Variants in PRODH observed in about 807,000 individuals in gnomAD.
The protein encoded by PRODH is proline dehydrogenase 1, mitochondrial.
For missense variants in PRODH, 3 were observed against 24.1 expected, an observed-to-expected ratio of 0.12 and a Z score of 1.83; for synonymous variants, 3 against 10.4, an observed-to-expected ratio of 0.29 and a Z score of 1.37.
rs1157394647 is a variant in PRODH at position 18,918,101 on chromosome 22, G to A, written c.1427+215C>T. Among the ~76,000 whole-genome samples the A allele has an allele frequency of 1.7e-5, 2 of 117,276 alleles. 1 individual carries two copies. 76.9% of individuals were successfully genotyped at this position (117,276 alleles called of 152,430 possible). On this transcript the variant is annotated intron_variant, in intron 11 of 13. Coordinates refer to ENST00000357068, the MANE Select transcript of PRODH (RefSeq NM_016335.6). ...TGCAGGAGCAAGCTCAGGGAACTGTGGCCAATTTTGCTTTGTTCAATAGGC... is the reference window on the plus strand; with the variant it reads ...TGCAGGAGCAAGCTCAGGGAACTGTAGCCAATTTTGCTTTGTTCAATAGGC...
At chr22:18,933,800 C>A in intron 1 of PRODH, among the ~76,000 whole-genome samples, 1 of 114,984 alleles carries the variant, frequency 8.7e-6, no homozygotes, top group Admixed American at 9.1e-5. Flanking sequence ...ACTGATGTCC[C>A]CGCATGGCAC....
At position 18,918,403 on chromosome 22, in the gene PRODH, A is replaced by G; in HGVS notation, c.1340T>C (p.Leu447Pro). 1 of 219,304 alleles carries G rather than the reference A, an allele frequency of 4.6e-6. No individual in the cohort carries two copies. Among genetic ancestry groups the G allele is most frequent in the South Asian group, 4.6e-5 (1 of 21,948 alleles). The allele number at this position is 219,304 out of a possible 1,614,324, so 13.6% of individuals were successfully genotyped here. ...FGAKLVRGAY[L>P]AQERARAAEI... ...TGCCGCACGGGCTCGCTCCTGGGCC[A>G]GGTATGCGCCCCGCACCAGCTTGGC... Residue 447 changes from leucine (L) to proline (P), a missense_variant, in exon 11 of 14, where the codon CTG becomes CCG. Transcript: ENST00000357068.
rs111724701 is a variant in PRODH, at chr22:18,917,764, A to G, written c.1427+552T>C. ...CACATCGGGCAGAGGACACGCTACA[A>G]CGCAAAAAACAATGGCGGAGATGTG... On this transcript the variant is annotated intron_variant, in intron 11 of 13. Coordinates refer to ENST00000357068, the MANE Select transcript of PRODH (RefSeq NM_016335.6). Among the ~76,000 whole-genome samples, 30 of 33,002 alleles carry G rather than the reference A, an allele frequency of 9.1e-4. 6 individuals carry two copies. Among genetic ancestry groups the G allele is most frequent in the East Asian group, 1.7e-3 (1 of 574 alleles). The allele number at this position is 33,002 out of a possible 152,430, so 21.7% of individuals were successfully genotyped here. A position where few individuals can be genotyped will look rare whatever the true frequency, so the allele number is the denominator to read the frequency against.
chr22:18,913,759 G>A lies in PRODH; in HGVS notation c.1527-233C>T, dbSNP rs1295980045. 2.7e-5 allele frequency: 2 copies of A among 73,152 alleles called. 1 individual carries two copies. The highest frequency in any genetic ancestry group is 1.5e-4 in the African/African-American group (2 of 12,986). 4.5% of individuals were successfully genotyped at this position (73,152 alleles called of 1,614,324 possible). ...GCTGGGCTGCCCTACTCGTCTCCCT[G>A]GGGAGGCCTCAGCCCTTGGCCAACA... On this transcript the variant is annotated intron_variant, in intron 12 of 13. Transcript: ENST00000357068.
chr22:18,936,471 GC>G (rs1001369870), upstream of PRODH: 3 of 8,286 alleles, frequency 3.6e-4, no homozygotes, highest in African/African-American at 1.2e-3. Context: ...GGGACCCTCT[GC>G]CGGCAGGGCT....
rs3960071 is a variant in PRODH at position 18,917,621 on chromosome 22, A to G, written c.1428-633T>C. Among the ~76,000 whole-genome samples, 5 of 32,626 alleles carry G rather than the reference A, an allele frequency of 1.5e-4. 2 individuals carry two copies. The highest frequency in any genetic ancestry group is 2.6e-4 in the African/African-American group (5 of 18,908). The allele number at this position is 32,626 out of a possible 152,430, so 21.4% of individuals were successfully genotyped here. On this transcript the variant is annotated intron_variant, in intron 11 of 13. Transcript: ENST00000357068. ...GCGAGTCCATTACAATAACCAGACT[A>G]AAAACCAATAAGATCAAAGATGCTG...
chr22:18,916,976 G>A lies in PRODH; in HGVS notation c.1440C>T (p.Tyr480=), dbSNP rs5992333. Reference sequence around the variant, plus strand: ...CGTTGTGCTTCAGCTCCTCCAACACGTAGTCCAGGCACCTGTGGAGAGTGC... The same window carrying A: ...CGTTGTGCTTCAGCTCCTCCAACACATAGTCCAGGCACCTGTGGAGAGTGC... ...TNAMYHRCLD[Y]VLEELKHNAK... The change falls in exon 12 of 14, where the codon TAC becomes TAT. Residue 480 remains tyrosine, a synonymous_variant. Coordinates refer to ENST00000357068, the MANE Select transcript of PRODH (RefSeq NM_016335.6). The A allele has an allele frequency of 0.068, 12,756 of 188,972 alleles. 5,518 individuals carry two copies. The highest frequency in any genetic ancestry group is 0.42 in the East Asian group (3,082 of 7,366). 11.7% of individuals were successfully genotyped at this position (188,972 alleles called of 1,614,324 possible). A position where few individuals can be genotyped will look rare whatever the true frequency, so the allele number is the denominator to read the frequency against.
At chr22:18,918,570 G>A in intron 10 of PRODH, 79 bp from the exon 11 acceptor site, 1 of 46,822 alleles carries the variant, frequency 2.1e-5, no homozygotes, top group African/African-American at 3.6e-4. Context: ...CTGGGCCCAG[G>A]TGCAGTCACC....
At position 18,933,698 on chromosome 22, in the gene PRODH, C is replaced by T. The variant is rs5747938; in HGVS notation, c.273+2317G>A. Among the ~76,000 whole-genome samples, 399 of 132,390 alleles carry T rather than the reference C, an allele frequency of 3.0e-3. 19 individuals carry two copies. The East Asian group carries it at 0.067, about 22-fold the overall frequency. 86.9% of individuals were successfully genotyped at this position (132,390 alleles called of 152,430 possible). On this transcript the variant is annotated intron_variant, in intron 1 of 13. Coordinates refer to ENST00000357068, the MANE Select transcript of PRODH (RefSeq NM_016335.6). ...CCTCCTTAAGTGCTAGAATTACAGG[C>T]ATGAGCCACCATGCCTAGGCATGAG...
rs553927585 is a variant in PRODH, at chr22:18,916,927, A to G, written c.1489T>C (p.Ser497Pro). Residue 497 changes from serine to proline, a missense_variant, in exon 12 of 14, where the codon TCC (serine) becomes CCC (proline). Transcript: ENST00000357068. ...HNAKAKVMVASHNEDTVRFAL... is the reference protein window; with the variant it reads ...HNAKAKVMVAPHNEDTVRFAL... ...AAGCGCACTGTGTCCTCATTGTGGG[A>G]GGCCACCATCACCTTGGCCTTGGCG... The G allele has an allele frequency of 8.0e-6, 2 of 248,700 alleles. 1 individual carries two copies. The highest frequency in any genetic ancestry group is 1.2e-4 in the South Asian group (2 of 17,084). The allele number at this position is 248,700 out of a possible 1,614,324, so 15.4% of individuals were successfully genotyped here.
Position 18,914,339 on chromosome 22 carries a change from C to T in PRODH, c.1527-813G>A. ...TGCTCAGATACTGGGGTGGGGCCTC[C>T]ACTCTGTCCTGTCTTCACACCACCC... On this transcript the variant is annotated intron_variant, in intron 12 of 13. Transcript: ENST00000357068. The T allele has an allele frequency of 5.5e-5, 2 of 36,056 alleles. 1 individual carries two copies. The highest frequency in any genetic ancestry group is 2.3e-4 in the Non-Finnish European group (2 of 8,606). 2.2% of individuals were successfully genotyped at this position (36,056 alleles called of 1,614,324 possible).
At chr22:18,926,167 GGCAGCT>G (rs1397589305) in intron 2 of PRODH, among the ~76,000 whole-genome samples, 18 of 104,240 alleles carry the variant, frequency 1.7e-4, no homozygotes, top group African/African-American at 5.2e-4. Context: ...GGGTCTCCCA[GGCAGCT>G]CTGATGCAAG....
intron 11 of PRODH, among the ~76,000 whole-genome samples, 175 bp downstream of exon 11, chr22:18,918,140 TA>T (rs1160807690): frequency 8.8e-6 from 1 of 113,374 alleles, no homozygotes; most frequent in African/African-American, 2.9e-5. Flanking sequence ...TCTATATTTA[TA>T]AAAGAATAAC....
chr22:18,918,290 G>A (rs1489574832), intron 11 of PRODH, 26 bp downstream of exon 11: 1 of 82,316 alleles, frequency 1.2e-5, no homozygotes, highest in Non-Finnish European at 2.7e-5. Flanking sequence ...GCCCTGAGAA[G>A]ACAGAGGGGT....
chr22:18,926,240 G>GGCCCTCCTGTAGCATTCTT (rs1568995330), intron 2 of PRODH, among the ~76,000 whole-genome samples: 2 of 43,472 alleles, frequency 4.6e-5, no homozygotes, highest in Non-Finnish European at 1.1e-4. Context: ...CCTCCAGGCC[G>GGCCCTCCTGTAGCATTCTT]GCCCTCCTGT....
rs1401484041 is a variant in PRODH, at chr22:18,928,243, CT to C, written c.483-2522del. ...GCCTCGTGCTCCCCCAGTCCCACCC[CT>C]CATCATGCCCAGGGCATAGTCTGTT... On this transcript the variant is annotated intron_variant, in intron 2 of 13. Transcript: ENST00000357068. 1.5e-5 allele frequency among the ~76,000 whole-genome samples: 2 copies of C among 131,940 alleles called. 1 individual carries two copies. The highest frequency in any genetic ancestry group is 3.6e-5 in the Non-Finnish European group (2 of 55,472). 86.6% of individuals were successfully genotyped at this position (131,940 alleles called of 152,430 possible).
In PRODH at chr22:18,917,237, T is replaced by G. The variant is rs375735; in HGVS notation, c.1428-249A>C. On this transcript the variant is annotated intron_variant, in intron 11 of 13. Transcript: ENST00000357068. ...CAGACAATTCACGCAGAACCAGCTG[T>G]GGGGGCAGAGTCCCTGCATCAAACG... 0.093 allele frequency among the ~76,000 whole-genome samples: 3,291 copies of G among 35,400 alleles called. 1,253 individuals are homozygous for G. The highest frequency in any genetic ancestry group is 0.38 in the East Asian group (280 of 746). 23.2% of individuals were successfully genotyped at this position (35,400 alleles called of 152,430 possible). A position where few individuals can be genotyped will look rare whatever the true frequency, so the allele number is the denominator to read the frequency against.
chr22:18,918,101 G>C (rs1157394647), intron 11 of PRODH, among the ~76,000 whole-genome samples: 1 of 117,276 alleles, frequency 8.5e-6, no homozygotes, highest in East Asian at 2.1e-4. Flanking sequence ...AGGGAACTGT[G>C]GCCAATTTTG....
Position 18,917,678 on chromosome 22 carries a change from G to A in PRODH, c.1427+638C>T, listed in dbSNP as rs2146208692. Among the ~76,000 whole-genome samples, 2 of 33,768 alleles carry A rather than the reference G, an allele frequency of 5.9e-5. 1 individual carries two copies. Among genetic ancestry groups the A allele is most frequent in the Non-Finnish European group, 2.4e-4 (2 of 8,330 alleles). 22.2% of individuals were successfully genotyped at this position (33,768 alleles called of 152,430 possible). A position where few individuals can be genotyped will look rare whatever the true frequency, so the allele number is the denominator to read the frequency against. Reference sequence around the variant, plus strand: ...TAGCCCCGGGCACTCCATGCTGGCTGTTGACAGCACCACTCTGCAAGCCCA... The same window carrying A: ...TAGCCCCGGGCACTCCATGCTGGCTATTGACAGCACCACTCTGCAAGCCCA... On this transcript the variant is annotated intron_variant, in intron 11 of 13. Coordinates refer to ENST00000357068, the MANE Select transcript of PRODH (RefSeq NM_016335.6).
Sources: allele counts gnomAD v4.1 joint callset (sites outside exome capture counted in the v4.1 genomes callset), GRCh38; gene constraint gnomAD v4.1.1; transcripts MANE v1.5; gene names NCBI Gene and HGNC (gene_info 2026-07-23, HGNC 2026-07-21).